Variants in MAPT observed in about 807,000 individuals in gnomAD.
MAPT encodes the protein microtubule associated protein tau, also known as microtubule-associated protein tau.
A neutral mutation model predicts 67.9 loss-of-function variants in MAPT; 34 were observed. That is an observed-to-expected ratio of 0.50 (90% CI 0.38 to 0.67). The LOEUF (loss-of-function observed/expected upper bound fraction) is 0.67. Among genes scored for constraint, MAPT ranks in the 30% least tolerant of loss-of-function variants. The pLI, the probability that MAPT is intolerant of heterozygous loss-of-function variation, is 0.00. For missense variants in MAPT, 881 were observed against 1,115.2 expected, an observed-to-expected ratio of 0.79 and a Z score of 2.99; for synonymous variants, 456 against 464.5, an observed-to-expected ratio of 0.98 and a Z score of 0.23.
intron 1 of MAPT, among the ~76,000 whole-genome samples, chr17:45,925,149 C>G (rs972373272): frequency 1.3e-5 from 2 of 152,220 alleles, no homozygotes; most frequent in African/African-American, 4.8e-5. Flanking sequence ...GATAGGAATT[C>G]AGAAATATAT....
chr17:46,019,249 T>G (rs184304917), intron 12 of MAPT, among the ~76,000 whole-genome samples: 24 of 152,212 alleles, frequency 1.6e-4, no homozygotes, highest in African/African-American at 5.3e-4. Flanking sequence ...CTCATGAGAT[T>G]TATTCACTAT....
intron 2 of MAPT, among the ~76,000 whole-genome samples, chr17:45,970,531 C>T (rs2071556968): frequency 6.6e-6 from 1 of 152,250 alleles, no homozygotes; most frequent in Non-Finnish European, 1.5e-5. Context: ...CATTTGCCTC[C>T]TTTACATGGA....
intron 10 of MAPT, among the ~76,000 whole-genome samples, chr17:46,013,297 C>G (rs1226386688): frequency 6.6e-6 from 1 of 152,214 alleles, no homozygotes; most frequent in Non-Finnish European, 1.5e-5. Flanking sequence ...ACCTGCCCCC[C>G]AGGCCCCACA....
At position 45,937,614 on chromosome 17, in the gene MAPT, A is replaced by G. The variant is rs1416285237; in HGVS notation, c.-17-24707A>G. ...CTCAAAAAAAGAAAAAAAAAAAGAA[A>G]GGAGAGAGAGAGAAAGAAAAGAAAA... is the stretch of plus-strand genomic sequence containing the variant. On this transcript the variant is annotated intron_variant, in intron 1 of 12. Coordinates refer to ENST00000262410, the MANE Select transcript of MAPT (RefSeq NM_001377265.1). Among the ~76,000 whole-genome samples, 4 of 143,722 alleles carry G rather than the reference A, an allele frequency of 2.8e-5. No homozygotes were observed. In the Admixed American group the frequency reaches 2.8e-4, roughly 10 times the overall value. The allele number at this position is 143,722 out of a possible 152,430, so 94.3% of individuals were successfully genotyped here. A position where few individuals can be genotyped will look rare whatever the true frequency, so the allele number is the denominator to read the frequency against.
rs1276120716 is a variant in MAPT, at chr17:46,018,478, G to A, written c.2174-140G>A. On this transcript the variant is annotated intron_variant, in intron 11 of 12. Transcript: ENST00000262410. Reference sequence around the variant, plus strand: ...ATTGTCTTCTTCCCTCCAGAGCAGTGGCACCCAATCTAATTTTTGCTGTGC... The same window carrying A: ...ATTGTCTTCTTCCCTCCAGAGCAGTAGCACCCAATCTAATTTTTGCTGTGC... 3.9e-6 allele frequency: 3 copies of A among 777,622 alleles called. No homozygotes were observed. The African/African-American group carries it at 5.1e-5, about 13-fold the overall frequency. The allele number at this position is 777,622 out of a possible 1,614,324, so 48.2% of individuals were successfully genotyped here.
At chr17:45,933,245 CTTT>C (rs61564191) in intron 1 of MAPT, among the ~76,000 whole-genome samples, 2 of 139,202 alleles carry the variant, frequency 1.4e-5, no homozygotes, top group Non-Finnish European at 3.1e-5. Context: ...CTCTCTCTCC[CTTT>C]TTTTTTTTTT....
chr17:45,904,367 AAATATATTT>A (rs2064139736), intron 1 of MAPT, among the ~76,000 whole-genome samples: 2 of 80,306 alleles, frequency 2.5e-5, no homozygotes, highest in Non-Finnish European at 5.5e-5. Flanking sequence ...TATATATATT[AAATATATTT>A]TATATATATT....
At chr17:46,012,865 A>G (rs1242836222) in intron 10 of MAPT, among the ~76,000 whole-genome samples, 2 of 142,914 alleles carry the variant, frequency 1.4e-5, no homozygotes, top group East Asian at 4.2e-4. Flanking sequence ...CCACCCCCTC[A>G]GTGCTGGCCT....
At position 45,983,410 on chromosome 17, in the gene MAPT, G is replaced by A. The variant is rs2145647332; in HGVS notation, c.831G>A (p.Pro277=). 1.2e-6 allele frequency: 2 copies of A among 1,607,186 alleles called. No homozygotes were observed. The highest frequency in any genetic ancestry group is 1.7e-6 in the Non-Finnish European group (2 of 1,176,324). ...LLGDLHQEGP[P]LKGAGGKERP... is the part of the protein sequence containing the mutation. ...GAGACCTGCACCAGGAGGGGCCGCC[G>A]CTGAAGGGGGCAGGGGGCAAAGAGA... The change falls in exon 5 of 13, where the codon CCG becomes CCA. Residue 277 remains proline, a synonymous_variant. Transcript: ENST00000262410.
chr17:45,956,245 A>G (rs1057118457), intron 1 of MAPT, among the ~76,000 whole-genome samples: 2 of 152,192 alleles, frequency 1.3e-5, no homozygotes, highest in Non-Finnish European at 2.9e-5. Flanking sequence ...TGGGGCTGGC[A>G]GGACTCAGTG....
At chr17:45,948,494 G>A (rs1043392406) in intron 1 of MAPT, among the ~76,000 whole-genome samples, 1 of 152,202 alleles carries the variant, frequency 6.6e-6, no homozygotes, top group African/African-American at 2.4e-5. Flanking sequence ...TAAGGAGAAA[G>A]TTCTCCCAGG....
rs1208120638 is a variant in MAPT, at chr17:45,906,853, G to A, written c.-18+12167G>A. Among the ~76,000 whole-genome samples the A allele has an allele frequency of 6.6e-6, 1 of 152,128 alleles. No individual in the cohort carries two copies. The highest frequency in any genetic ancestry group is 1.9e-4 in the East Asian group (1 of 5,190). Reference sequence around the variant, plus strand: ...TCCACATCCTGGAACAGACCCGCCAGTTTCTTCCAGGCATTGCCTCAGTTT... The same window carrying A: ...TCCACATCCTGGAACAGACCCGCCAATTTCTTCCAGGCATTGCCTCAGTTT... On this transcript the variant is annotated intron_variant, in intron 1 of 12. Transcript: ENST00000262410. The surrounding 1 kb of genome is among the most constrained non-coding windows in gnomAD (Gnocchi z 4.3).
intron 2 of MAPT, among the ~76,000 whole-genome samples, chr17:45,964,464 G>A (rs1376391144): frequency 6.7e-6 from 1 of 150,316 alleles, no homozygotes; most frequent in African/African-American, 2.5e-5. Flanking sequence ...AGGATTGCTT[G>A]AGCCCAGGAG....
intron 12 of MAPT, among the ~76,000 whole-genome samples, chr17:46,020,067 A>C (rs1192405430): frequency 2.0e-5 from 3 of 151,696 alleles, no homozygotes; most frequent in Non-Finnish European, 2.9e-5. Flanking sequence ...GTTTGCAGGC[A>C]ACTAAAAAAG....
At chr17:46,023,519 G>A (rs2076657216) in intron 12 of MAPT, among the ~76,000 whole-genome samples, 1 of 152,172 alleles carries the variant, frequency 6.6e-6, no homozygotes, top group African/African-American at 2.4e-5. Flanking sequence ...AGTGGGCACA[G>A]GTATTACCAA....
At chr17:45,964,008 G>A (rs1178704952) in intron 2 of MAPT, among the ~76,000 whole-genome samples, 3 of 152,136 alleles carry the variant, frequency 2.0e-5, no homozygotes, top group Non-Finnish European at 4.4e-5. Flanking sequence ...GAAGCTCTGG[G>A]TGAGGAGGTG....
chr17:45,936,323 G>C (rs754258077), intron 1 of MAPT, among the ~76,000 whole-genome samples: 1 of 152,184 alleles, frequency 6.6e-6, no homozygotes, highest in Admixed American at 6.5e-5. Flanking sequence ...AAAATGGGTC[G>C]CTCCATCCTG....
intron 10 of MAPT, among the ~76,000 whole-genome samples, chr17:46,012,473 G>A (rs1378846163): frequency 6.6e-6 from 1 of 152,150 alleles, no homozygotes; most frequent in African/African-American, 2.4e-5. Context: ...CACCTTCACA[G>A]GAAGCCCTTC....
Position 45,938,308 on chromosome 17 carries a change from C to G in MAPT, c.-17-24013C>G, listed in dbSNP as rs1488956589. ...CAGCTTCTAAAGGTTTCATGCATTC[C>G]TTGGCTCATGATCTTCTATAGCTAT... On this transcript the variant is annotated intron_variant, in intron 1 of 12. Transcript: ENST00000262410. Among the ~76,000 whole-genome samples, 4 of 152,210 alleles carry G rather than the reference C, an allele frequency of 2.6e-5. No individual in the cohort carries two copies. In the East Asian group the frequency reaches 7.7e-4, roughly 29 times the overall value.
Sources: gnomAD v4.1 joint callset for allele counts (sites outside exome capture counted in the v4.1 genomes callset) on GRCh38, gnomAD v4.1.1 for gene constraint, Gnocchi (gnomAD v3.1) non-coding constraint, MANE v1.5 for transcripts, NCBI Gene and HGNC (gene_info 2026-07-23, HGNC 2026-07-21) for gene names.